MTHFD1L: variants seen among roughly 807,000 people sequenced by gnomAD.
The protein encoded by MTHFD1L is methylenetetrahydrofolate dehydrogenase (NADP+ dependent) 1 like, also known as monofunctional C1-tetrahydrofolate synthase, mitochondrial.
Under a neutral mutation model 119.5 loss-of-function variants are expected in MTHFD1L, and 81 were observed. That is an observed-to-expected ratio of 0.68 (90% CI 0.57 to 0.82). The LOEUF is 0.82. Ranked by LOEUF, MTHFD1L falls within the 40% of genes least tolerant of loss-of-function variation. MTHFD1L has a pLI of 0.00. For synonymous variants in MTHFD1L, 430 were observed against 475.2 expected (o/e 0.90, Z 1.24); for missense variants, 1,125 against 1,253.4 (o/e 0.90, Z 1.55).
At position 151,094,249 on chromosome 6, in the gene MTHFD1L, C is replaced by A. The variant is rs1794706497; in HGVS notation, c.*31+1662C>A. On this transcript the variant is annotated intron_variant, in intron 27 of 27. Coordinates refer to ENST00000367321, the MANE Select transcript of MTHFD1L (RefSeq NM_015440.5). Reference sequence around the variant, plus strand: ...CATATTCTCGGCCTTTGCAGATGAGCTTTTGTGGCCTAAAGACCTTCTTCT... The same window carrying A: ...CATATTCTCGGCCTTTGCAGATGAGATTTTGTGGCCTAAAGACCTTCTTCT... Among the ~76,000 whole-genome samples, 3 of 152,202 alleles carry A rather than the reference C, an allele frequency of 2.0e-5. No homozygotes were observed. The South Asian group carries it at 6.2e-4, about 32-fold the overall frequency.
intron 17 of MTHFD1L, 41 bp downstream of exon 17, chr6:150,956,112 G>A (rs370984036): frequency 1.1e-5 from 18 of 1,574,456 alleles, no homozygotes; most frequent in South Asian, 4.4e-5. Flanking sequence ...CTGTTCTTAC[G>A]TTCATTTCTA....
rs1043200462 is a variant in MTHFD1L, at chr6:150,980,076, A to G, written c.2125+8018A>G. 3.3e-5 allele frequency among the ~76,000 whole-genome samples: 5 copies of G among 152,072 alleles called. No individual in the cohort carries two copies. The East Asian group carries it at 9.6e-4, about 29-fold the overall frequency. On this transcript the variant is annotated intron_variant, in intron 20 of 27. Coordinates refer to ENST00000367321, the MANE Select transcript of MTHFD1L (RefSeq NM_015440.5). ...TACATTATTTAAAAACACTGATCTC[A>G]GCCTGGGCTCCACTTTTGTTATTAT...
rs551998562 is a variant in MTHFD1L, at chr6:150,940,492, G to A, written c.1440+1747G>A. 1.1e-4 allele frequency among the ~76,000 whole-genome samples: 16 copies of A among 152,272 alleles called. No individual in the cohort carries two copies. In the South Asian group the frequency reaches 1.2e-3, roughly 12 times the overall value. ...AGGGGCATACACAGGGGAATGGCTC[G>A]GGTTTAGCCAGCAAATTGGAAGGAC... is the stretch of plus-strand genomic sequence containing the variant. On this transcript the variant is annotated intron_variant, in intron 13 of 27. Coordinates refer to ENST00000367321, the MANE Select transcript of MTHFD1L (RefSeq NM_015440.5).
intron 18 of MTHFD1L, among the ~76,000 whole-genome samples, chr6:150,962,178 T>TG (rs1203101290): frequency 3.3e-5 from 5 of 151,996 alleles, no homozygotes; most frequent in African/African-American, 1.2e-4. Flanking sequence ...TTAGTAGAGA[T>TG]GGGGTTTCAC....
chr6:150,964,929 A>T, intron 18 of MTHFD1L, 40 bp from the exon 19 acceptor site: 1 of 1,596,308 alleles, frequency 6.3e-7, no homozygotes, highest in South Asian at 1.1e-5. Flanking sequence ...TGCCTGGATG[A>T]TATTTTGTCA....
intron 20 of MTHFD1L, among the ~76,000 whole-genome samples, chr6:150,994,077 A>AAAAAGAAAT: frequency 9.5e-6 from 1 of 105,314 alleles, no homozygotes; most frequent in African/African-American, 3.7e-5. Flanking sequence ...AAAAAAAAAA[A>AAAAAGAAAT]AAAGAAAGAA....
chr6:150,937,104 G>A (rs1792206567), intron 12 of MTHFD1L, among the ~76,000 whole-genome samples, 164 bp downstream of exon 12: 1 of 152,134 alleles, frequency 6.6e-6, no homozygotes, highest in Non-Finnish European at 1.5e-5. Context: ...TGGTTCCCCC[G>A]GGCATGAAAA....
chr6:151,061,831 C>G (rs1206571448), intron 26 of MTHFD1L, among the ~76,000 whole-genome samples: 1 of 152,094 alleles, frequency 6.6e-6, no homozygotes, highest in Non-Finnish European at 1.5e-5. Flanking sequence ...AAACTGAGTC[C>G]CCAGCGATGT....
intron 20 of MTHFD1L, among the ~76,000 whole-genome samples, chr6:150,983,415 T>A (rs1272311978): frequency 6.6e-6 from 1 of 152,184 alleles, no homozygotes; most frequent in Non-Finnish European, 1.5e-5. Context: ...TTTGTGAGAC[T>A]TTTCTGCCCT....
At chr6:151,016,686 G>A (rs1021666609) in intron 24 of MTHFD1L, 2 of 216,964 alleles carry the variant, frequency 9.2e-6, no homozygotes, top group African/African-American at 4.9e-5. Flanking sequence ...TCTAGTGTAT[G>A]TGTGTGTATA....
chr6:150,872,314 A>C (rs1170820710), intron 1 of MTHFD1L, among the ~76,000 whole-genome samples: 3 of 152,154 alleles, frequency 2.0e-5, no homozygotes, highest in Non-Finnish European at 4.4e-5. Context: ...CTTGGCTTTC[A>C]ATACACCCTC....
intron 19 of MTHFD1L, among the ~76,000 whole-genome samples, chr6:150,967,838 T>C (rs1301013666): frequency 6.6e-6 from 1 of 152,124 alleles, no homozygotes; most frequent in African/African-American, 2.4e-5. Flanking sequence ...TCCAAAATAC[T>C]CTCTCCTCAG....
chr6:150,943,337 C>G (rs1038834551), intron 13 of MTHFD1L, among the ~76,000 whole-genome samples: 7 of 151,858 alleles, frequency 4.6e-5, no homozygotes, highest in Non-Finnish European at 7.4e-5. Flanking sequence ...GTGATATTAT[C>G]AAGATCCCAA....
chr6:151,032,290 G>C (rs896659342), intron 24 of MTHFD1L, among the ~76,000 whole-genome samples: 1 of 152,186 alleles, frequency 6.6e-6, no homozygotes, highest in African/African-American at 2.4e-5. Flanking sequence ...TGGGCTTCTG[G>C]TGAGGGCCTC....
chr6:150,985,746 A>C (rs943397839), intron 20 of MTHFD1L, among the ~76,000 whole-genome samples: 1 of 152,098 alleles, frequency 6.6e-6, no homozygotes, highest in South Asian at 2.1e-4. Context: ...CTTGTTTAAA[A>C]TGTTTCCTTG....
At chr6:150,941,175 G>A (rs1299750714) in intron 13 of MTHFD1L, among the ~76,000 whole-genome samples, 8 of 152,198 alleles carry the variant, frequency 5.3e-5, no homozygotes, top group Admixed American at 5.2e-4. Flanking sequence ...GAAGAATGAG[G>A]GAGAGCATTC....
intron 26 of MTHFD1L, among the ~76,000 whole-genome samples, chr6:151,073,174 G>A (rs1169407836): frequency 6.6e-6 from 1 of 152,198 alleles, no homozygotes; most frequent in African/African-American, 2.4e-5. Context: ...AGTTTGCAGA[G>A]GTGGAGGACC....
At chr6:150,890,151 C>A (rs1021278913) in intron 7 of MTHFD1L, among the ~76,000 whole-genome samples, 2 of 151,482 alleles carry the variant, frequency 1.3e-5, no homozygotes, top group African/African-American at 4.9e-5. Context: ...AACGAAACTC[C>A]GTCTCAAAAA....
chr6:151,075,320 A>C (rs1348099192), intron 26 of MTHFD1L, among the ~76,000 whole-genome samples: 1 of 152,186 alleles, frequency 6.6e-6, no homozygotes, highest in Non-Finnish European at 1.5e-5. Context: ...AAGCGCTAAT[A>C]CTAATCAAAA....
Sources: gnomAD v4.1 joint callset for allele counts (sites outside exome capture counted in the v4.1 genomes callset) on GRCh38, gnomAD v4.1.1 for gene constraint, MANE v1.5 for transcripts, NCBI Gene and HGNC (gene_info 2026-07-23, HGNC 2026-07-21) for gene names.